Variants in SMG8 observed in about 807,000 individuals in gnomAD.
The protein encoded by SMG8 is nonsense-mediated mRNA decay factor SMG8.
In SMG8, 49 loss-of-function variants were observed where a neutral mutation model predicts 82.1. That is an observed-to-expected ratio of 0.60 (90% confidence interval 0.47 to 0.76). The LOEUF is 0.76. Ranked by LOEUF, SMG8 falls within the 30% of genes least tolerant of loss-of-function variation. The pLI, the probability that SMG8 is intolerant of heterozygous loss-of-function variation, is 0.00. For synonymous variants in SMG8, 404 were observed against 430.0 expected (o/e 0.94, Z 0.75); for missense variants, 969 against 1,166.4 (o/e 0.83, Z 2.46).
In SMG8 at chr17:59,210,661, T is replaced by C. The variant is rs1386023417; in HGVS notation, c.610T>C (p.Phe204Leu). Reference protein sequence around the residue: ...KLQCLSLLYLFSVCHILLLVH... With the variant: ...KLQCLSLLYLLSVCHILLLVH... ...GCAGTGCCTCAGTCTCCTTTACCTA[T>C]TCTCTGTCTGTCATATCTTGCTTCT... Residue 204 changes from phenylalanine to leucine, a missense_variant, in exon 1 of 4, where the codon TTC becomes CTC. Coordinates refer to ENST00000300917, the MANE Select transcript of SMG8 (RefSeq NM_018149.7). 6.2e-7 allele frequency: 1 copy of C among 1,614,094 alleles called. No individual in the cohort carries two copies.
In SMG8 at chr17:59,213,316, T is replaced by A. The variant is rs1359187492; in HGVS notation, c.2493T>A (p.Val831=). The A allele has an allele frequency of 1.2e-6, 2 of 1,614,000 alleles. No homozygotes were observed. The highest frequency in any genetic ancestry group is 3.3e-5 in the Admixed American group (2 of 59,982). ...CTATTCCTGGAAAGAGAAGTGCGGT[T>A]GTAATGGGAAGAGGAAGACGGCGAG... ...NKAIPGKRSA[V]VMGRGRRRDD... Residue 831 remains valine (V), a synonymous_variant, in exon 3 of 4, where the codon GTT becomes GTA. Coordinates refer to ENST00000300917, the MANE Select transcript of SMG8 (RefSeq NM_018149.7).
At chr17:59,212,668 A>G in intron 2 of SMG8, 61 bp from the exon 3 acceptor site, 1 of 1,517,034 alleles carries the variant, frequency 6.6e-7, no homozygotes, top group Non-Finnish European at 8.8e-7. Context: ...TGATCTTGTT[A>G]GAATGAAGAA....
Position 59,211,564 on chromosome 17 carries a change from C to G in SMG8, c.1513C>G (p.Pro505Ala). The change falls in exon 1 of 4, where the codon CCC (proline) becomes GCC (alanine). Residue 505 changes from proline to alanine, a missense_variant. Pro to Ala is a conservative substitution (Grantham distance 27). Transcript: ENST00000300917. ...FSENRCQKAL[P>A]MAHSAYQSNL... The stretch of plus-strand genomic sequence containing the variant: ...AGAAAACCGATGCCAAAAAGCTTTA[C>G]CCATGGCCCACAGTGCCTACCAGTC... 6.2e-7 allele frequency: 1 copy of G among 1,614,172 alleles called. No individual in the cohort carries two copies. The highest frequency in any genetic ancestry group is 1.1e-5 in the South Asian group (1 of 91,068).
At chr17:59,213,637 A>G in intron 3 of SMG8, 36 bp downstream of exon 3, 6 of 1,544,688 alleles carry the variant, frequency 3.9e-6, no homozygotes, top group Non-Finnish European at 5.2e-6. Context: ...CCAAACAAGT[A>G]AAAAATGCTG....
chr17:59,211,029 C>G lies in SMG8; in HGVS notation c.978C>G (p.Leu326=), dbSNP rs767518477. The G allele has an allele frequency of 1.2e-6, 2 of 1,614,240 alleles. No homozygotes were observed. Among genetic ancestry groups the G allele is most frequent in the Non-Finnish European group, 8.5e-7 (1 of 1,180,044 alleles). Residue 326 remains leucine, a synonymous_variant, in exon 1 of 4, where the codon CTC becomes CTG. Coordinates refer to ENST00000300917, the MANE Select transcript of SMG8 (RefSeq NM_018149.7). ...TGACTAATCAGAGCATCAACTGCCT[C>G]TTTACTGTGCCTGCCAACCAAGCTT... ...RVLTNQSINC[L]FTVPANQAFV...
In SMG8 at chr17:59,213,679, A is replaced by AGTTAGCCTCAAAACTAATTATTTCAGGC. The variant is rs1303000646; in HGVS notation, c.2778+79_2778+106dup. ...GTTTTGATTGATTTTAAAAAGTACAAGTTAGCCTCAAAACTAATTATTTCA... is the reference window on the plus strand; with the variant it reads ...GTTTTGATTGATTTTAAAAAGTACAAGTTAGCCTCAAAACTAATTATTTCAGGCGTTAGCCTCAAAACTAATTATTTCA... On this transcript the variant is annotated intron_variant, in intron 3 of 3. Coordinates refer to ENST00000300917, the MANE Select transcript of SMG8 (RefSeq NM_018149.7). 9.3e-4 allele frequency: 1,391 copies of AGTTAGCCTCAAAACTAATTATTTCAGGC among 1,497,046 alleles called. 5 individuals are homozygous for AGTTAGCCTCAAAACTAATTATTTCAGGC. Among genetic ancestry groups the AGTTAGCCTCAAAACTAATTATTTCAGGC allele is most frequent in the Non-Finnish European group, 1.1e-3 (1,273 of 1,121,472 alleles). The allele number at this position is 1,497,046 out of a possible 1,614,324, so 92.7% of individuals were successfully genotyped here.
At position 59,210,307 on chromosome 17, in the gene SMG8, G is replaced by A; in HGVS notation, c.256G>A (p.Gly86Arg). 6.2e-7 allele frequency: 1 copy of A among 1,612,978 alleles called. No homozygotes were observed. ...VFPLFRHQDP[G>R]DPGPGIRTEA... is the part of the protein sequence containing the mutation. ...TCCTCTCTTTCGCCACCAAGATCCT[G>A]GGGATCCAGGACCTGGAATCAGAAC... Residue 86 changes from glycine to arginine, a missense_variant, in exon 1 of 4, where the codon GGG becomes AGG. By Grantham distance (125) the Gly-to-Arg change is moderately radical. Coordinates refer to ENST00000300917, the MANE Select transcript of SMG8 (RefSeq NM_018149.7).
rs1435323813 is a variant in SMG8 at position 59,210,073 on chromosome 17, C to T, written c.22C>T (p.Arg8Ter). 1.9e-6 allele frequency: 3 copies of T among 1,568,458 alleles called. No homozygotes were observed. Among genetic ancestry groups the T allele is most frequent in the South Asian group, 1.2e-5 (1 of 83,714 alleles). The change falls in exon 1 of 4, where the codon CGA becomes TGA. Residue 8 changes from arginine to a stop codon, truncating the protein, a stop_gained. Coordinates refer to ENST00000300917, the MANE Select transcript of SMG8 (RefSeq NM_018149.7). LOFTEE classifies it high-confidence loss of function. MAGPVSL[R>*]DLLMGASAWM... is the part of the protein sequence containing the mutation. ...CACTATGGCTGGTCCCGTGAGCTTG[C>T]GAGACCTTCTAATGGGAGCATCAGC...
Position 59,213,289 on chromosome 17 carries a change from A to G in SMG8, c.2466A>G (p.Lys822=), listed in dbSNP as rs1185749022. 6.2e-6 allele frequency: 10 copies of G among 1,614,214 alleles called. No homozygotes were observed. The highest frequency in any genetic ancestry group is 8.5e-6 in the Non-Finnish European group (10 of 1,180,038). The change falls in exon 3 of 4, where the codon AAA becomes AAG. Residue 822 remains lysine, a synonymous_variant. Transcript: ENST00000300917. ...CAAACTCTTGGCCTGCTCCAAATAAAGCTATTCCTGGAAAGAGAAGTGCGG... is the reference window on the plus strand; with the variant it reads ...CAAACTCTTGGCCTGCTCCAAATAAGGCTATTCCTGGAAAGAGAAGTGCGG... ...LDTNSWPAPN[K]AIPGKRSAVV... is the part of the protein sequence containing the mutation.
intron 3 of SMG8, 151 bp from the exon 4 acceptor site, chr17:59,214,654 G>A: frequency 1.7e-6 from 1 of 597,240 alleles, no homozygotes; most frequent in Admixed American, 3.0e-5. Flanking sequence ...TGATTCACCT[G>A]CCTCAGCCTC....
At chr17:59,212,181 C>T (rs1004887918) in intron 1 of SMG8, 160 bp from the exon 2 acceptor site, 1 of 519,440 alleles carries the variant, frequency 1.9e-6, no homozygotes, top group African/African-American at 1.9e-5. Flanking sequence ...AAACTCTAAA[C>T]TTTACATTTA....
intron 1 of SMG8, 132 bp downstream of exon 1, chr17:59,211,942 T>C (rs943720861): frequency 1.3e-6 from 1 of 760,346 alleles, no homozygotes; most frequent in Non-Finnish European, 1.9e-6. Flanking sequence ...GCATCAGCTA[T>C]ACGTTTTCTC....
chr17:59,212,908 A>G lies in SMG8; in HGVS notation c.2085A>G (p.Leu695=), dbSNP rs1359832828. The change falls in exon 3 of 4, where the codon TTA becomes TTG. Residue 695 remains leucine (L), a synonymous_variant. Coordinates refer to ENST00000300917, the MANE Select transcript of SMG8 (RefSeq NM_018149.7). ...AAGGAGAGAGCACGAGCCTGAGTTT[A>G]GCTTTGAGTTTGGGCCAATCCACAG... ...QTQGESTSLS[L]ALSLGQSTDS... 2 of 1,614,130 alleles carry G rather than the reference A, an allele frequency of 1.2e-6. No homozygotes were observed. Among genetic ancestry groups the G allele is most frequent in the Non-Finnish European group, 1.7e-6 (2 of 1,180,024 alleles).
intron 1 of SMG8, chr17:59,212,129 G>C (rs1226796571): frequency 4.6e-6 from 2 of 432,404 alleles, no homozygotes; most frequent in African/African-American, 2.0e-5. Context: ...TATGTTAGAT[G>C]ATGGTACATG....
At chr17:59,214,168 C>G (rs757058948) in intron 3 of SMG8, among the ~76,000 whole-genome samples, 14 of 151,968 alleles carry the variant, frequency 9.2e-5, no homozygotes, top group Non-Finnish European at 1.3e-4. Context: ...CCTGTAATCC[C>G]AGCTACTTGG....
chr17:59,214,390 A>C (rs780290166), intron 3 of SMG8, among the ~76,000 whole-genome samples: 2 of 152,004 alleles, frequency 1.3e-5, no homozygotes, highest in Non-Finnish European at 2.9e-5. Context: ...TATCTGCTTA[A>C]TCTTATATAT....
Position 59,213,546 on chromosome 17 carries a change from T to G in SMG8, c.2723T>G (p.Met908Arg), listed in dbSNP as rs376663010. 6.2e-7 allele frequency: 1 copy of G among 1,614,068 alleles called. No individual in the cohort carries two copies. The highest frequency in any genetic ancestry group is 1.1e-5 in the South Asian group (1 of 91,034). The change falls in exon 3 of 4, where the codon ATG becomes AGG. Residue 908 changes from methionine (M) to arginine (R), a missense_variant. Physicochemically the swap from Met to Arg is moderately conservative, Grantham distance 91. Coordinates refer to ENST00000300917, the MANE Select transcript of SMG8 (RefSeq NM_018149.7). The stretch of plus-strand genomic sequence containing the variant: ...CTGAAACCTCATTATGCTCAACTTA[T>G]GAGGCTTTTTGTTGTGGTTCCTGAT... Reference protein sequence around the residue: ...RGLKPHYAQLMRLFVVVPDAP... With the variant: ...RGLKPHYAQLRRLFVVVPDAP...
In SMG8 at chr17:59,212,913, T is replaced by C. The variant is rs1387098871; in HGVS notation, c.2090T>C (p.Leu697Ser). The C allele has an allele frequency of 3.1e-6, 5 of 1,614,126 alleles. No homozygotes were observed. The highest frequency in any genetic ancestry group is 1.7e-5 in the Admixed American group (1 of 59,986). Reference protein sequence around the residue: ...QGESTSLSLALSLGQSTDSLG... With the variant: ...QGESTSLSLASSLGQSTDSLG... ...GAGAGCACGAGCCTGAGTTTAGCTTTGAGTTTGGGCCAATCCACAGATAGC... is the reference window on the plus strand; with the variant it reads ...GAGAGCACGAGCCTGAGTTTAGCTTCGAGTTTGGGCCAATCCACAGATAGC... The change falls in exon 3 of 4, where the codon TTG (leucine) becomes TCG (serine). Residue 697 changes from leucine (L) to serine (S), a missense_variant. This residue lies in a region of SMG8 where 662 missense variants were observed against 884.8 expected (regional missense o/e 0.75). Transcript: ENST00000300917.
chr17:59,211,546 C>T lies in SMG8; in HGVS notation c.1495C>T (p.Arg499Ter). ...TATTGACACAAAATTCTCAGAAAAC[C>T]GATGCCAAAAAGCTTTACCCATGGC... ...LDIDTKFSEN[R>*]CQKALPMAHS... is the part of the protein sequence containing the mutation. Residue 499 changes from arginine (R) to a stop codon, truncating the protein, a stop_gained, in exon 1 of 4, where the codon CGA becomes TGA. Coordinates refer to ENST00000300917, the MANE Select transcript of SMG8 (RefSeq NM_018149.7). LOFTEE classifies it high-confidence loss of function. The T allele has an allele frequency of 2.5e-6, 4 of 1,613,966 alleles. No homozygotes were observed. The highest frequency in any genetic ancestry group is 1.1e-5 in the South Asian group (1 of 91,042).
Sources: allele counts gnomAD v4.1 joint callset (sites outside exome capture counted in the v4.1 genomes callset), GRCh38; gene constraint gnomAD v4.1.1; regional missense constraint gnomAD v4.1.1; transcripts MANE v1.5; gene names NCBI Gene and HGNC (gene_info 2026-07-23, HGNC 2026-07-21).